PRRC2C: variants seen among roughly 807,000 people sequenced by gnomAD.
The protein encoded by PRRC2C is protein PRRC2C.
In PRRC2C, 72 loss-of-function variants were observed where a neutral mutation model predicts 317.2. The ratio of observed to expected loss-of-function variants is 0.23; its 90% CI spans 0.19 to 0.28. The LOEUF (loss-of-function observed/expected upper bound fraction) is 0.28. Ranked by LOEUF, PRRC2C falls within the 10% of genes least tolerant of loss-of-function variation. The pLI, the probability that PRRC2C is intolerant of heterozygous loss-of-function variation, is 1.00. For missense variants in PRRC2C, 3,074 were observed against 3,459.7 expected (o/e 0.89, Z 2.80); for synonymous variants, 1,296 against 1,205.9 (o/e 1.07, Z -1.55).
chr1:171,585,864 T>G (rs1056967933), intron 30 of PRRC2C, among the ~76,000 whole-genome samples: 3 of 151,210 alleles, frequency 2.0e-5, no homozygotes, highest in East Asian at 1.9e-4. Flanking sequence ...TTCAGATTGG[T>G]TTTTTTTTGT....
chr1:171,510,857 A>G (rs1434513830), intron 1 of PRRC2C: 2 of 152,204 alleles, frequency 1.3e-5, no homozygotes, highest in African/African-American at 4.8e-5. Flanking sequence ...GTAAAAATCA[A>G]GACAGTAACT....
intron 29 of PRRC2C, 36 bp from the exon 30 acceptor site, chr1:171,584,381 TCA>T: frequency 6.7e-7 from 1 of 1,501,296 alleles, no homozygotes; most frequent in Non-Finnish European, 8.9e-7. Context: ...GAAATTTTTT[TCA>T]GTCTTACTCA....
At chr1:171,528,529 G>A (rs1264913747) in intron 11 of PRRC2C, among the ~76,000 whole-genome samples, 1 of 151,942 alleles carries the variant, frequency 6.6e-6, no homozygotes, top group Admixed American at 6.6e-5. Context: ...CTGACCTCGT[G>A]ATCCGCCCAC....
chr1:171,587,347 C>T lies in PRRC2C; in HGVS notation c.7968+126C>T, dbSNP rs554539896. 7 of 874,156 alleles carry T rather than the reference C, an allele frequency of 8.0e-6. No homozygotes were observed. The East Asian group carries it at 1.9e-4, about 23-fold the overall frequency. 54.1% of individuals were successfully genotyped at this position (874,156 alleles called of 1,614,324 possible). A position where few individuals can be genotyped will look rare whatever the true frequency, so the allele number is the denominator to read the frequency against. On this transcript the variant is annotated intron_variant, in intron 31 of 34. Transcript: ENST00000647382. ...TACCACCCTGCAAAAATCTCAAACCCCAGTATATTTACATTTTATCTATTT... is the reference window on the plus strand; with the variant it reads ...TACCACCCTGCAAAAATCTCAAACCTCAGTATATTTACATTTTATCTATTT...
At position 171,557,743 on chromosome 1, in the gene PRRC2C, G is replaced by T; in HGVS notation, c.5631G>T (p.Thr1877=). 1 of 1,550,626 alleles carries T rather than the reference G, an allele frequency of 6.4e-7. No homozygotes were observed. Among genetic ancestry groups the T allele is most frequent in the Non-Finnish European group, 8.7e-7 (1 of 1,146,748 alleles). ...ASALASTSAP[T]PAPAASSPAA... is the part of the protein sequence containing the mutation. ...CCCTAGCATCAACTTCAGCTCCAACGCCAGCCCCAGCAGCCTCTTCCCCAG... is the reference window on the plus strand; with the variant it reads ...CCCTAGCATCAACTTCAGCTCCAACTCCAGCCCCAGCAGCCTCTTCCCCAG... The change falls in exon 19 of 35, where the codon ACG becomes ACT. Residue 1877 remains threonine, a synonymous_variant. Coordinates refer to ENST00000647382, the MANE Select transcript of PRRC2C (RefSeq NM_001387844.1).
Position 171,539,960 on chromosome 1 carries a change from T to C in PRRC2C, c.2505-11T>C, listed in dbSNP as rs1677660826. Reference sequence around the variant, plus strand: ...TTTGTTGATTATACCTTTGAATTCTTATCATCATAGGTCTGAAGCTGCGTT... The same window carrying C: ...TTTGTTGATTATACCTTTGAATTCTCATCATCATAGGTCTGAAGCTGCGTT... On this transcript the variant is annotated splice_polypyrimidine_tract_variant and intron_variant, in intron 15 of 34. Coordinates refer to ENST00000647382, the MANE Select transcript of PRRC2C (RefSeq NM_001387844.1). 1.3e-6 allele frequency: 2 copies of C among 1,580,354 alleles called. No homozygotes were observed. The highest frequency in any genetic ancestry group is 1.7e-6 in the Non-Finnish European group (2 of 1,164,978).
chr1:171,537,693 A>G (rs935983644), intron 15 of PRRC2C, among the ~76,000 whole-genome samples: 5 of 152,020 alleles, frequency 3.3e-5, no homozygotes, highest in African/African-American at 1.2e-4. Context: ...GTAATTTAGT[A>G]TTAGATGTTG....
intron 28 of PRRC2C, among the ~76,000 whole-genome samples, chr1:171,581,702 T>G (rs1006228609): frequency 3.9e-5 from 6 of 152,248 alleles, no homozygotes; most frequent in Admixed American, 6.5e-5. Context: ...TATAGCAGTA[T>G]ATTCATGTTT....
At chr1:171,488,085 T>A (rs1666454617) in intron 1 of PRRC2C, among the ~76,000 whole-genome samples, 1 of 152,240 alleles carries the variant, frequency 6.6e-6, no homozygotes, top group Non-Finnish European at 1.5e-5. Flanking sequence ...GAAGATTATA[T>A]TATATCCCTG....
At chr1:171,568,062 G>A (rs1684012573) in intron 22 of PRRC2C, among the ~76,000 whole-genome samples, 185 bp from the exon 23 acceptor site, 1 of 152,156 alleles carries the variant, frequency 6.6e-6, no homozygotes, top group Non-Finnish European at 1.5e-5. Flanking sequence ...GCGCACGCCT[G>A]TAATCCCAGC....
At position 171,579,838 on chromosome 1, in the gene PRRC2C, T is replaced by C. The variant is rs752092857; in HGVS notation, c.7283T>C (p.Val2428Ala). Reference protein sequence around the residue: ...FQPGLSQPTSVQQIPIPIYAP... With the variant: ...FQPGLSQPTSAQQIPIPIYAP... ...CTCAATGCATTGCAGCCAACTTCAG[T>C]TCAGCAGATTCCAATCCCTATTTAT... The change falls in exon 28 of 35, where the codon GTT (valine) becomes GCT (alanine). Residue 2428 changes from valine (V) to alanine (A), a missense_variant. Physicochemically the swap from Val to Ala is moderately conservative, Grantham distance 64. Around this residue, in one of 11 missense-constraint regions of PRRC2C, gnomAD observed 490 missense variants for 663.1 expected, o/e 0.74. Coordinates refer to ENST00000647382, the MANE Select transcript of PRRC2C (RefSeq NM_001387844.1). 1 of 1,565,424 alleles carries C rather than the reference T, an allele frequency of 6.4e-7. No individual in the cohort carries two copies. Among genetic ancestry groups the C allele is most frequent in the South Asian group, 1.2e-5 (1 of 82,878 alleles).
intron 23 of PRRC2C, 123 bp from the exon 24 acceptor site, chr1:171,571,197 C>T (rs991338061): frequency 5.2e-6 from 3 of 575,554 alleles, no homozygotes; most frequent in Non-Finnish European, 9.3e-6. Flanking sequence ...TAAGTAATCA[C>T]ATATTTCTGT....
chr1:171,505,410 T>C (rs1669999424), intron 1 of PRRC2C, among the ~76,000 whole-genome samples: 1 of 152,186 alleles, frequency 6.6e-6, no homozygotes, highest in Non-Finnish European at 1.5e-5. Context: ...AGAAATACAA[T>C]TGAATTTTGT....
Position 171,540,263 on chromosome 1 carries a change from C to G in PRRC2C, c.2797C>G (p.His933Asp), listed in dbSNP as rs765046676. ...RKRSVSHGSNHTQKPDEQRSE... is the reference protein window; with the variant it reads ...RKRSVSHGSNDTQKPDEQRSE... ...AAGAAGTGTTTCCCATGGATCTAAC[C>G]ATACGCAAAAACCAGACGAGCAGAG... Residue 933 changes from histidine (H) to aspartate (D), a missense_variant, in exon 16 of 35, where the codon CAT becomes GAT. Physicochemically the swap from His to Asp is moderately conservative, Grantham distance 81 (BLOSUM62 -1). This residue lies in a region of PRRC2C where 1,320 missense variants were observed against 1,395.7 expected (regional missense o/e 0.95). Transcript: ENST00000647382. 33 of 1,613,662 alleles carry G rather than the reference C, an allele frequency of 2.0e-5. 1 individual carries two copies. The Admixed American group carries it at 5.5e-4, about 27-fold the overall frequency.
At chr1:171,500,124 G>A (rs756613920) in intron 1 of PRRC2C, among the ~76,000 whole-genome samples, 5 of 152,092 alleles carry the variant, frequency 3.3e-5, no homozygotes, top group Admixed American at 6.5e-5. Flanking sequence ...AGGAAAGAAC[G>A]GTAAACAGAG....
rs1454953185 is a variant in PRRC2C, at chr1:171,589,391, T to G, written c.8222T>G (p.Val2741Gly). The change falls in exon 34 of 35, where the codon GTC becomes GGC. Residue 2741 changes from valine to glycine, a missense_variant. By Grantham distance (109) the Val-to-Gly change is moderately radical. Coordinates refer to ENST00000647382, the MANE Select transcript of PRRC2C (RefSeq NM_001387844.1). ...CAGATTCTCTCCCAGCCTAACCTGG[T>G]CCCTCCATTGGTAAGAGCCCCACAT... ...APQILSQPNL[V>G]PPLVRAPHTN... 7.8e-7 allele frequency: 1 copy of G among 1,287,920 alleles called. No individual in the cohort carries two copies. Among genetic ancestry groups the G allele is most frequent in the Admixed American group, 2.3e-5 (1 of 43,398 alleles). The allele number at this position is 1,287,920 out of a possible 1,614,324, so 79.8% of individuals were successfully genotyped here.
At chr1:171,537,609 C>A (rs534831884) in intron 15 of PRRC2C, 136 bp downstream of exon 15, 27 of 796,412 alleles carry the variant, frequency 3.4e-5, no homozygotes, top group Non-Finnish European at 5.1e-5. Flanking sequence ...TAGCATGCTA[C>A]GCTTACTCTT....
In PRRC2C at chr1:171,539,846, G is replaced by A. The variant is rs554255643; in HGVS notation, c.2505-125G>A. The A allele has an allele frequency of 1.4e-3, 1,167 of 860,078 alleles. 3 individuals carry two copies. The highest frequency in any genetic ancestry group is 1.8e-3 in the Non-Finnish European group (1,046 of 566,164). 53.3% of individuals were successfully genotyped at this position (860,078 alleles called of 1,614,324 possible). On this transcript the variant is annotated intron_variant, in intron 15 of 34. Transcript: ENST00000647382. ...TTCTCCTCTAAACTTTTTATATAGC[G>A]AGAGAAAGATTCTCATTATGGTTAA...
chr1:171,561,743 A>C (rs1180090824), intron 20 of PRRC2C, among the ~76,000 whole-genome samples: 1 of 152,226 alleles, frequency 6.6e-6, no homozygotes, highest in East Asian at 1.9e-4. Context: ...CCATGTTTCT[A>C]TCTTGAGGAC....
Sources: allele counts gnomAD v4.1 joint callset (sites outside exome capture counted in the v4.1 genomes callset), GRCh38; gene constraint gnomAD v4.1.1; regional missense constraint gnomAD v4.1.1; transcripts MANE v1.5; gene names NCBI Gene and HGNC (gene_info 2026-07-23, HGNC 2026-07-21).